Variants in GRID2 observed in about 807,000 individuals in gnomAD.
GRID2 encodes glutamate ionotropic receptor delta type subunit 2.
In GRID2, 33 loss-of-function variants were observed where a neutral mutation model predicts 114.8. The ratio of observed to expected loss-of-function variants is 0.29; its 90% CI spans 0.22 to 0.38. The LOEUF (loss-of-function observed/expected upper bound fraction) is 0.38. Ranked by LOEUF, GRID2 falls within the 10% of genes least tolerant of loss-of-function variation. GRID2 has a pLI of 1.00. For missense variants in GRID2, 1,184 were observed against 1,257.7 expected (o/e 0.94, Z 0.89); for synonymous variants, 505 against 449.9 (o/e 1.12, Z -1.55).
At chr4:93,329,869 T>C (rs1027561498) in intron 8 of GRID2, among the ~76,000 whole-genome samples, 1 of 151,162 alleles carries the variant, frequency 6.6e-6, no homozygotes, top group African/African-American at 2.4e-5. Context: ...AGGATTCTGC[T>C]AGGGATAGGA....
chr4:93,145,718 A>G (rs1271173424), intron 4 of GRID2, among the ~76,000 whole-genome samples: 1 of 122,328 alleles, frequency 8.2e-6, no homozygotes, highest in African/African-American at 3.3e-5. Context: ...CTTGTCTCGA[A>G]CTCCTGACCT....
chr4:93,345,605 GTTGA>G (rs1316490506), intron 8 of GRID2, among the ~76,000 whole-genome samples: 2 of 151,956 alleles, frequency 1.3e-5, no homozygotes, highest in Non-Finnish European at 2.9e-5. Context: ...TCTTCACTGT[GTTGA>G]TTGTTTCCCT....
At chr4:93,548,960 A>T (rs953921668) in intron 13 of GRID2, among the ~76,000 whole-genome samples, 5 of 152,146 alleles carry the variant, frequency 3.3e-5, no homozygotes, top group African/African-American at 1.2e-4. Context: ...AAAAATACAC[A>T]TTTTTCATAA....
rs1490779668 is a variant in GRID2, at chr4:93,075,883, C to CTCTTTT, written c.245-9111_245-9110insCTTTTT. Reference sequence around the variant, plus strand: ...GTATTGGGATGTCGAAGTTACCTCTCTTTTTTTTTTTTTTTTTTTTTTTTT... The same window carrying CTCTTTT: ...GTATTGGGATGTCGAAGTTACCTCTCTCTTTTTTTTTTTTTTTTTTTTTTTTTTTTT... On this transcript the variant is annotated intron_variant, in intron 2 of 15. Transcript: ENST00000282020. 8.5e-4 allele frequency among the ~76,000 whole-genome samples: 65 copies of CTCTTTT among 76,602 alleles called. 7 individuals are homozygous for CTCTTTT. Among genetic ancestry groups the CTCTTTT allele is most frequent in the East Asian group, 5.0e-3 (12 of 2,412 alleles). The allele number at this position is 76,602 out of a possible 152,430, so 50.3% of individuals were successfully genotyped here.
At chr4:93,810,243 G>C (rs1279411598), downstream of GRID2, 1 of 152,030 alleles carries the variant, frequency 6.6e-6, no homozygotes, top group East Asian at 1.9e-4. Context: ...AGCTTACATA[G>C]CCAGCCCCAA....
chr4:93,495,624 GGA>G (rs1398167177), intron 12 of GRID2, among the ~76,000 whole-genome samples: 2 of 151,824 alleles, frequency 1.3e-5, no homozygotes, highest in East Asian at 3.9e-4. Flanking sequence ...AGGACATGTG[GGA>G]GAGAGAAAAT....
At chr4:92,562,602 G>T (rs1016434352) in intron 1 of GRID2, among the ~76,000 whole-genome samples, 1 of 152,108 alleles carries the variant, frequency 6.6e-6, no homozygotes, top group Non-Finnish European at 1.5e-5. Flanking sequence ...ACACAGATCA[G>T]TGAGGAGCTG....
At chr4:93,559,496 C>T (rs944135265) in intron 13 of GRID2, among the ~76,000 whole-genome samples, 1 of 152,154 alleles carries the variant, frequency 6.6e-6, no homozygotes, top group Non-Finnish European at 1.5e-5. Context: ...CATCGTTGGT[C>T]ATTGGAGAAA....
rs143687869 is a variant in GRID2, at chr4:92,353,679, C to T, written c.88+48935C>T. Among the ~76,000 whole-genome samples the T allele has an allele frequency of 1.7e-3, 260 of 152,156 alleles. 2 individuals carry two copies. The highest frequency in any genetic ancestry group is 6.8e-3 in the Middle Eastern group (2 of 294). Reference sequence around the variant, plus strand: ...ATAAACACACAAATAGCCATCTTTACCAGCCTTTCCAGATTGGCTGTGTGT... The same window carrying T: ...ATAAACACACAAATAGCCATCTTTATCAGCCTTTCCAGATTGGCTGTGTGT... On this transcript the variant is annotated intron_variant, in intron 1 of 15. Coordinates refer to ENST00000282020, the MANE Select transcript of GRID2 (RefSeq NM_001510.4).
chr4:93,265,680 A>G (rs13120785), intron 8 of GRID2, among the ~76,000 whole-genome samples: 3 of 152,212 alleles, frequency 2.0e-5, no homozygotes, highest in Non-Finnish European at 4.4e-5. Flanking sequence ...ATAAATAAAA[A>G]CAAGTAAGGT....
chr4:92,474,881 A>G (rs2149098799), intron 1 of GRID2, among the ~76,000 whole-genome samples: 1 of 146,720 alleles, frequency 6.8e-6, no homozygotes, highest in East Asian at 2.0e-4. Context: ...TTGGATATTA[A>G]CCTCTTATCA....
chr4:92,951,626 C>T (rs1216727814), intron 2 of GRID2, among the ~76,000 whole-genome samples: 1 of 152,034 alleles, frequency 6.6e-6, no homozygotes, highest in Non-Finnish European at 1.5e-5. Flanking sequence ...CTGTGCCCAT[C>T]CAAATTTTTA....
intron 8 of GRID2, among the ~76,000 whole-genome samples, chr4:93,278,267 TA>T (rs34349130): frequency 0.032 from 4,703 of 148,390 alleles, 250 homozygotes; most frequent in African/African-American, 0.11. Context: ...ATTTTGACTT[TA>T]AAAAAAAAAA....
chr4:93,294,459 AGAGT>A (rs1342398356), intron 8 of GRID2, among the ~76,000 whole-genome samples: 20 of 152,308 alleles, frequency 1.3e-4, no homozygotes, highest in Admixed American at 1.0e-3. Context: ...TGAGAGAGAG[AGAGT>A]GTGTGTGTGT....
Position 93,235,339 on chromosome 4 carries a change from A to G in GRID2, c.1126-3032A>G, listed in dbSNP as rs538774428. Among the ~76,000 whole-genome samples the G allele has an allele frequency of 2.6e-5, 4 of 152,268 alleles. No individual in the cohort carries two copies. The South Asian group carries it at 8.3e-4, about 32-fold the overall frequency. On this transcript the variant is annotated intron_variant, in intron 7 of 15. Coordinates refer to ENST00000282020, the MANE Select transcript of GRID2 (RefSeq NM_001510.4). ...ATCTGTATGTGTTATTCATACTACCAATGTCCCATTAGCTTATATTGTTGA... is the reference window on the plus strand; with the variant it reads ...ATCTGTATGTGTTATTCATACTACCGATGTCCCATTAGCTTATATTGTTGA...
chr4:93,243,195 A>G (rs1011130856), intron 8 of GRID2, among the ~76,000 whole-genome samples: 2 of 151,974 alleles, frequency 1.3e-5, no homozygotes, highest in African/African-American at 4.8e-5. Flanking sequence ...CTAAGCTGCA[A>G]TTTAATTACT....
chr4:93,328,110 T>G (rs1758037785), intron 8 of GRID2, among the ~76,000 whole-genome samples: 1 of 146,490 alleles, frequency 6.8e-6, no homozygotes, highest in South Asian at 2.3e-4. Context: ...CGAGCAAGAC[T>G]CCGTCTCAAA....
At chr4:93,189,855 T>A (rs976683859) in intron 4 of GRID2, among the ~76,000 whole-genome samples, 2 of 151,538 alleles carry the variant, frequency 1.3e-5, no homozygotes, top group African/African-American at 2.4e-5. Flanking sequence ...CAGAGTAAGA[T>A]TTTTTTGTTT....
intron 4 of GRID2, among the ~76,000 whole-genome samples, chr4:93,120,441 T>A (rs1340925507): frequency 6.6e-6 from 1 of 152,140 alleles, no homozygotes; most frequent in Non-Finnish European, 1.5e-5. Context: ...TCATGCCCTT[T>A]GCAGCGAGAT....
Sources: gnomAD v4.1 joint callset for allele counts (sites outside exome capture counted in the v4.1 genomes callset) on GRCh38, gnomAD v4.1.1 for gene constraint, MANE v1.5 for transcripts, NCBI Gene and HGNC (gene_info 2026-07-23, HGNC 2026-07-21) for gene names.